PCSK7: variants seen among roughly 807,000 people sequenced by gnomAD.
PCSK7 encodes proprotein convertase subtilisin/kexin type 7.
In PCSK7, 38 loss-of-function variants were observed where a neutral mutation model predicts 73.3. The ratio of observed to expected loss-of-function variants is 0.52; its 90% CI spans 0.40 to 0.68. The LOEUF (loss-of-function observed/expected upper bound fraction) is 0.68, where lower values mean the gene tolerates loss of function less well. PCSK7 is among the 30% of genes least tolerant of loss of function. The pLI is 0.00. For missense variants in PCSK7, 692 were observed against 991.5 expected, an observed-to-expected ratio of 0.70 and a Z score of 4.06; for synonymous variants, 296 against 383.8, an observed-to-expected ratio of 0.77 and a Z score of 2.68.
In PCSK7 at chr11:117,204,506, T is replaced by G; in HGVS notation, c.*1491A>C. 8.0e-7 allele frequency: 1 copy of G among 1,244,722 alleles called. No homozygotes were observed. The highest frequency in any genetic ancestry group is 1.1e-6 in the Non-Finnish European group (1 of 873,206). The allele number at this position is 1,244,722 out of a possible 1,614,324, so 77.1% of individuals were successfully genotyped here. A position where few individuals can be genotyped will look rare whatever the true frequency, so the allele number is the denominator to read the frequency against. On this transcript the variant is annotated 3_prime_UTR_variant, in exon 17 of 17. Transcript: ENST00000320934. Reference sequence around the variant, plus strand: ...GTCACTGAGCAATGGTAACTGCACCTGGGCAGCTCCTCCCTGTGCCCCCAG... The same window carrying G: ...GTCACTGAGCAATGGTAACTGCACCGGGGCAGCTCCTCCCTGTGCCCCCAG...
chr11:117,227,297 T>C lies in PCSK7; in HGVS notation c.629A>G (p.Asn210Ser). Residue 210 changes from asparagine (N) to serine (S), a missense_variant, in exon 5 of 17, where the codon AAC (asparagine) becomes AGC (serine). Coordinates refer to ENST00000320934, the MANE Select transcript of PCSK7 (RefSeq NM_004716.4). ...NYSPEGSYDL[N>S]SNDPDPMPHP... The stretch of plus-strand genomic sequence containing the variant: ...GGGCATGGGGTCAGGGTCATTAGAG[T>C]TGAGGTCATAGCTACCCTCAGGGCT... 1 of 1,613,836 alleles carries C rather than the reference T, an allele frequency of 6.2e-7. No individual in the cohort carries two copies. The highest frequency in any genetic ancestry group is 1.3e-5 in the African/African-American group (1 of 75,006).
intron 9 of PCSK7, 80 bp downstream of exon 9, chr11:117,223,128 C>A: frequency 1.2e-6 from 1 of 860,440 alleles, no homozygotes; most frequent in South Asian, 1.3e-5. Flanking sequence ...AAGCAGGGAA[C>A]AGTGAGAAGC....
chr11:117,219,779 G>C, intron 9 of PCSK7, 21 bp from the exon 10 acceptor site: 1 of 1,561,250 alleles, frequency 6.4e-7, no homozygotes, highest in Non-Finnish European at 8.7e-7. Flanking sequence ...AACAGGAAAA[G>C]GAAGTAGGTT....
Position 117,218,779 on chromosome 11 carries a change from G to C in PCSK7, c.1432-211C>G. ...AGCTAAGGAACCAGAGGAAACAGCT[G>C]TGTCCAGGGTGGAGGAGGGGAACCA... On this transcript the variant is annotated intron_variant, in intron 11 of 16. Transcript: ENST00000320934. The surrounding 1 kb of genome is among the most constrained non-coding windows in gnomAD (Gnocchi z 4.0). The C allele has an allele frequency of 1.8e-6, 1 of 564,334 alleles. No homozygotes were observed. Among genetic ancestry groups the C allele is most frequent in the Admixed American group, 3.2e-5 (1 of 31,606 alleles). The allele number at this position is 564,334 out of a possible 1,614,324, so 35.0% of individuals were successfully genotyped here.
intron 4 of PCSK7, 151 bp from the exon 5 acceptor site, chr11:117,227,473 C>A: frequency 1.4e-6 from 1 of 695,000 alleles, no homozygotes. Context: ...GATGGAGTCT[C>A]ACTCTGTTGC....
rs1275167171 is a variant in PCSK7 at position 117,205,800 on chromosome 11, G to A, written c.*197C>T. 6.3e-5 allele frequency: 29 copies of A among 463,282 alleles called. No homozygotes were observed. In the East Asian group the frequency reaches 9.9e-4, roughly 16 times the overall value. 28.7% of individuals were successfully genotyped at this position (463,282 alleles called of 1,614,324 possible). On this transcript the variant is annotated 3_prime_UTR_variant, in exon 17 of 17. Coordinates refer to ENST00000320934, the MANE Select transcript of PCSK7 (RefSeq NM_004716.4). The stretch of plus-strand genomic sequence containing the variant: ...CTCACCAAAAGCTCCCGTTTGGCTG[G>A]AGGCAGACCCTGTGGCTCTGACCAG...
At chr11:117,215,402 A>AC (rs1479906001) in intron 12 of PCSK7, 3 of 69,854 alleles carry the variant, frequency 4.3e-5, no homozygotes, top group South Asian at 1.4e-3. Context: ...ATATATATAT[A>AC]TATACTTTTT....
In PCSK7 at chr11:117,229,629, C is replaced by G. The variant is rs199871727; in HGVS notation, c.216G>C (p.Gln72His). 7 of 1,614,082 alleles carry G rather than the reference C, an allele frequency of 4.3e-6. No individual in the cohort carries two copies. The highest frequency in any genetic ancestry group is 5.9e-6 in the Non-Finnish European group (7 of 1,179,920). Residue 72 changes from glutamine to histidine, a missense_variant, in exon 3 of 17, where the codon CAG (glutamine) becomes CAC (histidine). Physicochemically the swap from Gln to His is conservative, Grantham distance 24. Around this residue, in one of 6 missense-constraint regions of PCSK7, gnomAD observed 574 missense variants for 689.8 expected, o/e 0.83. Transcript: ENST00000320934. ...CTGCCTGGGCCAAGGCATCCGCCTG[C>G]TGCTCCAGAGTCTCTTCCTCCCCGT... ...EGDGEEETLE[Q>H]QADALAQAAG...
At chr11:117,230,664 T>C (rs1334245772) in intron 1 of PCSK7, among the ~76,000 whole-genome samples, 196 bp from the exon 2 acceptor site, 1 of 152,166 alleles carries the variant, frequency 6.6e-6, no homozygotes, top group African/African-American at 2.4e-5. Context: ...ACCCACTTCC[T>C]GTGCTATCGT....
intron 3 of PCSK7, among the ~76,000 whole-genome samples, chr11:117,228,910 G>A (rs746934131): frequency 1.6e-4 from 25 of 152,274 alleles, no homozygotes; most frequent in Non-Finnish European, 3.7e-4. Flanking sequence ...GTGAGCCACC[G>A]CACCGGGCCA....
At chr11:117,217,204 G>A (rs2032018857) in intron 12 of PCSK7, 1 of 152,188 alleles carries the variant, frequency 6.6e-6, no homozygotes, top group Non-Finnish European at 1.5e-5. Flanking sequence ...GACATTCCGT[G>A]GCAACGTCCC....
rs750181415 is a variant in PCSK7, at chr11:117,229,496, C to T, written c.349G>A (p.Val117Met). The T allele has an allele frequency of 1.9e-6, 3 of 1,612,390 alleles. No homozygotes were observed. Among genetic ancestry groups the T allele is most frequent in the South Asian group, 2.2e-5 (2 of 91,086 alleles). Residue 117 changes from valine (V) to methionine (M), a missense_variant, in exon 3 of 17, where the codon GTG becomes ATG. This residue lies in a region of PCSK7 where 574 missense variants were observed against 689.8 expected (regional missense o/e 0.83). Transcript: ENST00000320934. The part of the protein sequence containing the change: ...ALEVEAIRQQ[V>M]EAVLAGHEAV... The stretch of plus-strand genomic sequence containing the variant: ...TCATGCCCAGCCAACACAGCCTCCA[C>T]CTGCTGCCGGATGGCCTCCACCTCC...
Position 117,224,232 on chromosome 11 carries a change from A to T in PCSK7, c.916-16T>A, listed in dbSNP as rs763171212. ...GTAAGGCAGCCTGAGGAGCCAAAAC[A>T]TCAGGGTGTCAGTTGAGGAACCCAC... On this transcript the variant is annotated splice_polypyrimidine_tract_variant and intron_variant, in intron 7 of 16. Coordinates refer to ENST00000320934, the MANE Select transcript of PCSK7 (RefSeq NM_004716.4). 6.2e-7 allele frequency: 1 copy of T among 1,613,830 alleles called. No individual in the cohort carries two copies. Among genetic ancestry groups the T allele is most frequent in the Non-Finnish European group, 8.5e-7 (1 of 1,179,746 alleles).
At chr11:117,216,792 T>C (rs2032002440) in intron 12 of PCSK7, 2 of 152,176 alleles carry the variant, frequency 1.3e-5, no homozygotes, top group Admixed American at 6.5e-5. Flanking sequence ...ACTTATTTGT[T>C]CTGTTTTTGT....
chr11:117,228,194 G>A (rs757315784), intron 4 of PCSK7, 22 bp downstream of exon 4: 1 of 1,610,588 alleles, frequency 6.2e-7, no homozygotes, highest in African/African-American at 1.3e-5. Flanking sequence ...GGAGTGAGGG[G>A]TGTCGTTCCA....
At chr11:117,212,423 T>G (rs1036269769) in intron 12 of PCSK7, 1 of 110,570 alleles carries the variant, frequency 9.0e-6, no homozygotes, top group Admixed American at 9.3e-5. Context: ...TTTTTTTTTT[T>G]GAGACGAAGT....
chr11:117,218,750 C>G lies in PCSK7; in HGVS notation c.1432-182G>C. ...TGCTCGCTGGAATGCTCCGTACAGCCCCCAGCTAAGGAACCAGAGGAAACA... is the reference window on the plus strand; with the variant it reads ...TGCTCGCTGGAATGCTCCGTACAGCGCCCAGCTAAGGAACCAGAGGAAACA... On this transcript the variant is annotated intron_variant, in intron 11 of 16. Coordinates refer to ENST00000320934, the MANE Select transcript of PCSK7 (RefSeq NM_004716.4). The surrounding 1 kb of genome is among the most constrained non-coding windows in gnomAD (Gnocchi z 4.0). 3 of 572,438 alleles carry G rather than the reference C, an allele frequency of 5.2e-6. No homozygotes were observed. The highest frequency in any genetic ancestry group is 9.3e-6 in the Non-Finnish European group (3 of 321,368). The allele number at this position is 572,438 out of a possible 1,614,324, so 35.5% of individuals were successfully genotyped here.
chr11:117,204,567 C>T lies in PCSK7; in HGVS notation c.*1430G>A. On this transcript the variant is annotated 3_prime_UTR_variant, in exon 17 of 17. Coordinates refer to ENST00000320934, the MANE Select transcript of PCSK7 (RefSeq NM_004716.4). Reference sequence around the variant, plus strand: ...ACTTCTTACCCGAAAGCATCACTGCCTTGGCCCCTCCCTCCCGGCTGCCCC... The same window carrying T: ...ACTTCTTACCCGAAAGCATCACTGCTTTGGCCCCTCCCTCCCGGCTGCCCC... 1 of 750,826 alleles carries T rather than the reference C, an allele frequency of 1.3e-6. No individual in the cohort carries two copies. The allele number at this position is 750,826 out of a possible 1,614,324, so 46.5% of individuals were successfully genotyped here. A position where few individuals can be genotyped will look rare whatever the true frequency, so the allele number is the denominator to read the frequency against.
intron 9 of PCSK7, chr11:117,222,890 A>C (rs571945206): frequency 3.8e-6 from 1 of 260,712 alleles, no homozygotes; most frequent in South Asian, 5.0e-5. Context: ...CAAGTGATCC[A>C]TCCGCCTTGG....
Sources: allele counts gnomAD v4.1 joint callset (sites outside exome capture counted in the v4.1 genomes callset), GRCh38; gene constraint gnomAD v4.1.1; regional missense constraint gnomAD v4.1.1; non-coding constraint Gnocchi (gnomAD v3.1); transcripts MANE v1.5; gene names NCBI Gene and HGNC (gene_info 2026-07-23, HGNC 2026-07-21).